Variants in PARVA observed in about 807,000 individuals in gnomAD.
PARVA encodes alpha-parvin.
Under a neutral mutation model 52.6 loss-of-function variants are expected in PARVA, and 25 were observed. The observed-to-expected ratio is 0.48, with a 90% CI of 0.35 to 0.66. The LOEUF (loss-of-function observed/expected upper bound fraction) is 0.66. Among genes scored for constraint, PARVA ranks in the 30% least tolerant of loss-of-function variants. The probability of loss-of-function intolerance (pLI) is 0.01; values close to 1 mark genes in which losing one functional copy is unlikely to be tolerated. For missense variants in PARVA, 373 were observed against 450.9 expected (o/e 0.83, Z 1.56); for synonymous variants, 185 against 179.1 (o/e 1.03, Z -0.26).
intron 1 of PARVA, among the ~76,000 whole-genome samples, chr11:12,397,664 T>C (rs1046735193): frequency 6.6e-6 from 1 of 152,172 alleles, no homozygotes; most frequent in African/African-American, 2.4e-5. Flanking sequence ...GAAATACTTC[T>C]CTTTAGCCAC....
At position 12,481,423 on chromosome 11, in the gene PARVA, C is replaced by T. The variant is rs1028271242; in HGVS notation, c.400+3474C>T. On this transcript the variant is annotated intron_variant, in intron 4 of 12. Coordinates refer to ENST00000334956, the MANE Select transcript of PARVA (RefSeq NM_018222.5). ...CCTCCTGGACACGTTCAACAAGCTG[C>T]CCATATTTTTTTTTTTTCTGAGCAT... Among the ~76,000 whole-genome samples the T allele has an allele frequency of 1.2e-4, 18 of 152,010 alleles. 1 individual carries two copies. The highest frequency in any genetic ancestry group is 2.4e-4 in the Non-Finnish European group (16 of 68,012).
At chr11:12,461,475 CAG>C (rs1437316877) in intron 1 of PARVA, among the ~76,000 whole-genome samples, 1 of 152,160 alleles carries the variant, frequency 6.6e-6, no homozygotes, top group Non-Finnish European at 1.5e-5. Context: ...AAAAAGATAA[CAG>C]GGTATGGCAT....
intron 1 of PARVA, among the ~76,000 whole-genome samples, chr11:12,468,755 C>T (rs1217886756): frequency 6.6e-6 from 1 of 152,172 alleles, no homozygotes; most frequent in African/African-American, 2.4e-5. Flanking sequence ...CTTCCTTGAG[C>T]TTACTCACTG....
chr11:12,473,306 G>A (rs1480035484), intron 1 of PARVA, among the ~76,000 whole-genome samples: 1 of 152,144 alleles, frequency 6.6e-6, no homozygotes, highest in Non-Finnish European at 1.5e-5. Context: ...ACGGAGGATG[G>A]AAATGCCTTA....
intron 1 of PARVA, among the ~76,000 whole-genome samples, chr11:12,456,905 A>G (rs1172229905): frequency 6.6e-6 from 1 of 152,162 alleles, no homozygotes; most frequent in East Asian, 1.9e-4. Flanking sequence ...AATGCTGTCA[A>G]ATGCACATTT....
At position 12,498,456 on chromosome 11, in the gene PARVA, C is replaced by G. The variant is rs554996857; in HGVS notation, c.541+1858C>G. Reference sequence around the variant, plus strand: ...AATGTGTGCAAGAAAAATCATCACTCGTATTACCATGCTAATCTAGCTTTT... The same window carrying G: ...AATGTGTGCAAGAAAAATCATCACTGGTATTACCATGCTAATCTAGCTTTT... On this transcript the variant is annotated intron_variant, in intron 5 of 12. Transcript: ENST00000334956. Among the ~76,000 whole-genome samples, 31 of 152,228 alleles carry G rather than the reference C, an allele frequency of 2.0e-4. No homozygotes were observed. In the East Asian group the frequency reaches 5.0e-3, roughly 25 times the overall value.
intron 1 of PARVA, among the ~76,000 whole-genome samples, chr11:12,428,771 C>T (rs185337683): frequency 2.0e-5 from 3 of 152,202 alleles, no homozygotes; most frequent in Non-Finnish European, 2.9e-5. Flanking sequence ...TTCAAAGGCT[C>T]GGAGAAAGCT....
intron 11 of PARVA, among the ~76,000 whole-genome samples, 159 bp downstream of exon 11, chr11:12,517,870 G>A (rs774047334): frequency 3.3e-5 from 5 of 152,218 alleles, no homozygotes; most frequent in African/African-American, 4.8e-5. Context: ...GCTGAGCTGG[G>A]AAGGAGCTAC....
Position 12,532,735 on chromosome 11 carries a change from A to G in PARVA, c.*4810A>G, listed in dbSNP as rs190309305. Among the ~76,000 whole-genome samples, 376 of 152,338 alleles carry G rather than the reference A, an allele frequency of 2.5e-3. No homozygotes were observed. Among genetic ancestry groups the G allele is most frequent in the African/African-American group, 8.8e-3 (365 of 41,580 alleles). On this transcript the variant is annotated 3_prime_UTR_variant, in exon 13 of 13. Transcript: ENST00000334956. Reference sequence around the variant, plus strand: ...CAGTCGTGGAGCTACTCCAATGAGAAGCCTGCCACTCCAGGGCGCACCACG... The same window carrying G: ...CAGTCGTGGAGCTACTCCAATGAGAGGCCTGCCACTCCAGGGCGCACCACG...
chr11:12,384,806 G>A (rs1378120321), intron 1 of PARVA, among the ~76,000 whole-genome samples: 1 of 152,162 alleles, frequency 6.6e-6, no homozygotes, highest in African/African-American at 2.4e-5. Context: ...TTGTGGAACG[G>A]GGGTTGGTCC....
chr11:12,440,436 C>T (rs374222903), intron 1 of PARVA, among the ~76,000 whole-genome samples: 6 of 152,152 alleles, frequency 3.9e-5, no homozygotes, highest in African/African-American at 7.2e-5. Flanking sequence ...TTCCTGTGCC[C>T]GTGAACTGGG....
rs1426621846 is a variant in PARVA, at chr11:12,473,943, C to T, written c.257C>T (p.Pro86Leu). ...EENEVRTMVD[P>L]NSRSDPKLQE... ...AATGAGGTGCGAACAATGGTGGATCCAAACTCACGCAGTGACCCCAAGCTT... is the reference window on the plus strand; with the variant it reads ...AATGAGGTGCGAACAATGGTGGATCTAAACTCACGCAGTGACCCCAAGCTT... The change falls in exon 3 of 13, where the codon CCA (proline) becomes CTA (leucine). Residue 86 changes from proline (P) to leucine (L), a missense_variant. By Grantham distance (98) the Pro-to-Leu change is moderately conservative. Transcript: ENST00000334956. 1 of 1,582,656 alleles carries T rather than the reference C, an allele frequency of 6.3e-7. No homozygotes were observed. The highest frequency in any genetic ancestry group is 1.2e-5 in the South Asian group (1 of 85,968).
At chr11:12,442,672 A>G (rs1375748209) in intron 1 of PARVA, among the ~76,000 whole-genome samples, 3 of 151,968 alleles carry the variant, frequency 2.0e-5, no homozygotes, top group African/African-American at 7.3e-5. Flanking sequence ...CCTATGATCT[A>G]TTCACCAGGC....
intron 4 of PARVA, among the ~76,000 whole-genome samples, chr11:12,482,441 A>G (rs1324469897): frequency 1.3e-5 from 2 of 152,090 alleles, no homozygotes; most frequent in Admixed American, 1.3e-4. Flanking sequence ...CCTGACCAAC[A>G]TGGTGAAACC....
chr11:12,481,755 C>A (rs377190834), intron 4 of PARVA, among the ~76,000 whole-genome samples: 1 of 152,026 alleles, frequency 6.6e-6, no homozygotes. Flanking sequence ...GTTTGGGCAG[C>A]GAGCTGGAGG....
chr11:12,512,098 T>A (rs1174063864), intron 8 of PARVA, among the ~76,000 whole-genome samples: 1 of 152,216 alleles, frequency 6.6e-6, no homozygotes, highest in Non-Finnish European at 1.5e-5. Context: ...AAATATTTAC[T>A]GTAATTATCC....
At chr11:12,404,241 T>A (rs756286483) in intron 1 of PARVA, among the ~76,000 whole-genome samples, 1 of 152,064 alleles carries the variant, frequency 6.6e-6, no homozygotes, top group Non-Finnish European at 1.5e-5. Flanking sequence ...TACCATCAGG[T>A]CTTAGGGTTG....
chr11:12,513,533 T>C (rs1327866794), intron 9 of PARVA, 173 bp downstream of exon 9: 2 of 728,220 alleles, frequency 2.7e-6, no homozygotes, highest in Non-Finnish European at 5.0e-6. Flanking sequence ...CCTCACTGGA[T>C]GTTGCACCTG....
intron 1 of PARVA, among the ~76,000 whole-genome samples, chr11:12,436,370 G>GA (rs1940389144): frequency 6.6e-6 from 1 of 152,104 alleles, no homozygotes; most frequent in African/African-American, 2.4e-5. Flanking sequence ...TCAGACTACG[G>GA]AAACTACACA....
Sources: gnomAD v4.1 joint callset for allele counts (sites outside exome capture counted in the v4.1 genomes callset) on GRCh38, gnomAD v4.1.1 for gene constraint, MANE v1.5 for transcripts, NCBI Gene and HGNC (gene_info 2026-07-23, HGNC 2026-07-21) for gene names.